The following TECPR2 variants were observed in gnomAD, a reference collection of about 807,000 sequenced individuals.
TECPR2 encodes tectonin beta-propeller repeat containing 2.
A neutral mutation model predicts 138.1 loss-of-function variants in TECPR2; 65 were observed. The observed-to-expected ratio is 0.47, with a 90% CI of 0.39 to 0.58. The LOEUF is 0.58. Among genes scored for constraint, TECPR2 ranks in the 20% least tolerant of loss-of-function variants. The probability of loss-of-function intolerance (pLI) is 0.00; values close to 1 mark genes in which losing one functional copy is unlikely to be tolerated. For synonymous variants in TECPR2, 746 were observed against 749.8 expected (o/e 0.99, Z 0.08); for missense variants, 1,553 against 1,824.5 (o/e 0.85, Z 2.71).
intron 18 of TECPR2, 140 bp downstream of exon 18, chr14:102,497,260 C>A: frequency 7.3e-7 from 1 of 1,372,440 alleles, no homozygotes; most frequent in Non-Finnish European, 9.6e-7. Context: ...CTTCCTGGGC[C>A]AGGGGACAAG....
At chr14:102,429,135 CTG>C (rs939025200) in intron 7 of TECPR2, among the ~76,000 whole-genome samples, 3 of 152,200 alleles carry the variant, frequency 2.0e-5, no homozygotes, top group African/African-American at 7.2e-5. Flanking sequence ...GCGTGAGCCA[CTG>C]TGCCCGGCCG....
chr14:102,388,478 A>T (rs986119313), intron 2 of TECPR2, among the ~76,000 whole-genome samples: 14 of 148,366 alleles, frequency 9.4e-5, no homozygotes, highest in Non-Finnish European at 2.1e-4. Context: ...CGGATCACTT[A>T]AGGTCAGGAG....
intron 1 of TECPR2, among the ~76,000 whole-genome samples, chr14:102,366,305 T>A (rs527355178): frequency 2.6e-5 from 4 of 152,276 alleles, no homozygotes; most frequent in Non-Finnish European, 5.9e-5. Flanking sequence ...TTTTTTTAAC[T>A]GAAATAGTCA....
At position 102,470,336 on chromosome 14, in the gene TECPR2, C is replaced by G. The variant is rs146912405; in HGVS notation, c.3789+5047C>G. ...TTTTTTTTTTTTTCTGACATGGAGT[C>G]TCGCTCTGTCACCCAGGCTAGAGGA... On this transcript the variant is annotated intron_variant, in intron 17 of 19. Coordinates refer to ENST00000359520, the MANE Select transcript of TECPR2 (RefSeq NM_014844.5). Among the ~76,000 whole-genome samples, 513 of 147,682 alleles carry G rather than the reference C, an allele frequency of 3.5e-3. 5 individuals are homozygous for G. The highest frequency in any genetic ancestry group is 0.012 in the African/African-American group (482 of 39,904).
rs924227566 is a variant in TECPR2, at chr14:102,389,788, T to G, written c.219+12848T>G. Among the ~76,000 whole-genome samples, 7 of 152,242 alleles carry G rather than the reference T, an allele frequency of 4.6e-5. 1 individual carries two copies. The highest frequency in any genetic ancestry group is 1.4e-4 in the African/African-American group (6 of 41,468). ...TTGTCTGTTTCTGCTTTAGATCTTCTCTAATGATAGAGTCCCTGGCTTTAG... is the reference window on the plus strand; with the variant it reads ...TTGTCTGTTTCTGCTTTAGATCTTCGCTAATGATAGAGTCCCTGGCTTTAG... On this transcript the variant is annotated intron_variant, in intron 2 of 19. Transcript: ENST00000359520.
At chr14:102,444,294 G>A (rs1306089769) in intron 12 of TECPR2, among the ~76,000 whole-genome samples, 1 of 151,590 alleles carries the variant, frequency 6.6e-6, no homozygotes, top group Non-Finnish European at 1.5e-5. Context: ...CCGGGCTCAG[G>A]TGATCCTCCT....
chr14:102,365,204 A>G (rs1029816642), intron 1 of TECPR2, among the ~76,000 whole-genome samples: 16 of 152,232 alleles, frequency 1.1e-4, no homozygotes, highest in African/African-American at 1.7e-4. Flanking sequence ...AAAGCACCAC[A>G]AAGTATACAG....
chr14:102,418,119 G>A (rs1889077873), intron 5 of TECPR2, among the ~76,000 whole-genome samples: 1 of 152,164 alleles, frequency 6.6e-6, no homozygotes, highest in Non-Finnish European at 1.5e-5. Flanking sequence ...AGAGAGTTCT[G>A]TGGACCGGTC....
At chr14:102,401,485 A>G (rs151184363) in intron 2 of TECPR2, among the ~76,000 whole-genome samples, 1 of 151,448 alleles carries the variant, frequency 6.6e-6, no homozygotes, top group East Asian at 1.9e-4. Context: ...TATGCTATAT[A>G]TAAGAGACTC....
intron 10 of TECPR2, among the ~76,000 whole-genome samples, chr14:102,439,525 C>A (rs1427815216): frequency 6.6e-6 from 1 of 152,208 alleles, no homozygotes; most frequent in Non-Finnish European, 1.5e-5. Context: ...TCGTTGGTAT[C>A]ATTTACCTTC....
intron 16 of TECPR2, among the ~76,000 whole-genome samples, chr14:102,457,698 A>G (rs1410312792): frequency 2.0e-5 from 3 of 152,128 alleles, no homozygotes; most frequent in Non-Finnish European, 2.9e-5. Context: ...CCTGGCCAAC[A>G]TAGCAAGACC....
At chr14:102,403,620 G>A (rs1343547479) in intron 2 of TECPR2, among the ~76,000 whole-genome samples, 1 of 152,122 alleles carries the variant, frequency 6.6e-6, no homozygotes, top group African/African-American at 2.4e-5. Flanking sequence ...CTTGTATGTA[G>A]AAACCCTAAA....
chr14:102,442,479 C>T (rs1889861654), intron 11 of TECPR2, among the ~76,000 whole-genome samples: 1 of 152,222 alleles, frequency 6.6e-6, no homozygotes, highest in African/African-American at 2.4e-5. Flanking sequence ...TCTGTCAAGG[C>T]ACATGCACAT....
At position 102,438,327 on chromosome 14, in the gene TECPR2, G is replaced by A. The variant is rs533712131; in HGVS notation, c.2578+122G>A. ...GCAGCAGCTCTGGGCTCACGCTGCC[G>A]TGCGTTCACCAGGTTTGCCTCTTCA... On this transcript the variant is annotated intron_variant, in intron 10 of 19. Coordinates refer to ENST00000359520, the MANE Select transcript of TECPR2 (RefSeq NM_014844.5). The A allele has an allele frequency of 1.9e-5, 25 of 1,286,960 alleles. No homozygotes were observed. The African/African-American group carries it at 2.0e-4, about 10-fold the overall frequency. The allele number at this position is 1,286,960 out of a possible 1,614,324, so 79.7% of individuals were successfully genotyped here.
intron 2 of TECPR2, among the ~76,000 whole-genome samples, chr14:102,385,441 A>G (rs77266417): frequency 4.6e-5 from 7 of 151,826 alleles, no homozygotes; most frequent in Non-Finnish European, 8.8e-5. Flanking sequence ...AGATATGATA[A>G]GTCACGTGAG....
At chr14:102,490,904 T>G (rs1026850935) in intron 17 of TECPR2, among the ~76,000 whole-genome samples, 10 of 151,942 alleles carry the variant, frequency 6.6e-5, no homozygotes, top group Admixed American at 2.0e-4. Flanking sequence ...TTTTTTTGGG[T>G]TTTTTTTGAG....
intron 7 of TECPR2, among the ~76,000 whole-genome samples, chr14:102,430,924 A>G (rs189179187): frequency 6.6e-6 from 1 of 152,268 alleles, no homozygotes; most frequent in East Asian, 1.9e-4. Flanking sequence ...GAGTCTTAGT[A>G]TGAAGTATAA....
intron 2 of TECPR2, among the ~76,000 whole-genome samples, chr14:102,391,267 C>T (rs192530006): frequency 1.5e-4 from 23 of 152,224 alleles, no homozygotes; most frequent in Non-Finnish European, 2.8e-4. Context: ...ACCATGTTGG[C>T]GAGGCTGGTC....
At chr14:102,410,414 C>G (rs546632058) in intron 4 of TECPR2, among the ~76,000 whole-genome samples, 40 of 150,388 alleles carry the variant, frequency 2.7e-4, no homozygotes, top group African/African-American at 7.1e-4. Flanking sequence ...GTCCCATGAC[C>G]CTGCCAAATC....
Sources: allele counts gnomAD v4.1 joint callset (sites outside exome capture counted in the v4.1 genomes callset), GRCh38; gene constraint gnomAD v4.1.1; transcripts MANE v1.5; gene names NCBI Gene and HGNC (gene_info 2026-07-23, HGNC 2026-07-21).